CREB5: variants seen among roughly 807,000 people sequenced by gnomAD.
CREB5 encodes the protein cyclic AMP-responsive element-binding protein 5.
In CREB5, 19 loss-of-function variants were observed where a neutral mutation model predicts 57.1. That is an observed-to-expected ratio of 0.33 (90% CI 0.23 to 0.49). The LOEUF (loss-of-function observed/expected upper bound fraction) is 0.49, where lower values mean the gene tolerates loss of function less well. Ranked by LOEUF, CREB5 falls within the 20% of genes least tolerant of loss-of-function variation. CREB5 has a pLI of 0.99. For missense variants in CREB5, 579 were observed against 671.6 expected (o/e 0.86, Z 1.52); for synonymous variants, 238 against 238.3 (o/e 1.00, Z 0.01).
At chr7:28,685,838 C>T (rs527500358) in intron 5 of CREB5, 16 of 307,348 alleles carry the variant, frequency 5.2e-5, no homozygotes, top group Non-Finnish European at 9.5e-5. Flanking sequence ...AAGTGCACCA[C>T]GAAGGCTCTC....
intron 4 of CREB5, among the ~76,000 whole-genome samples, chr7:28,531,202 A>G (rs1793714508): frequency 6.6e-6 from 1 of 151,800 alleles, no homozygotes; most frequent in Admixed American, 6.6e-5. Context: ...TTAATTCCCC[A>G]TGGCTTCGGT....
At chr7:28,693,360 A>G (rs1193903188) in intron 5 of CREB5, among the ~76,000 whole-genome samples, 2 of 152,230 alleles carry the variant, frequency 1.3e-5, no homozygotes, top group Admixed American at 6.5e-5. Context: ...GAGTCCATCA[A>G]CTTTTTATTT....
chr7:28,449,034 C>T (rs774871510), intron 1 of CREB5, among the ~76,000 whole-genome samples: 13 of 152,132 alleles, frequency 8.5e-5, no homozygotes, highest in Non-Finnish European at 1.8e-4. Context: ...CTCCTCTTAC[C>T]TTTTTTAAAA....
intron 5 of CREB5, among the ~76,000 whole-genome samples, chr7:28,661,976 G>A (rs1259988343): frequency 6.6e-6 from 1 of 152,194 alleles, no homozygotes; most frequent in Non-Finnish European, 1.5e-5. Context: ...AGGGAACACA[G>A]TTCTTTGTTT....
Position 28,590,533 on chromosome 7 carries a change from T to TGGGGGGA in CREB5, c.464+20007_464+20013dup, listed in dbSNP as rs1347325228. ...TCACACACCAGGGCCTGTTGTGGGG[T>TGGGGGGA]GGGGGGAGGGGGGAGGGATAGCATT... is the stretch of plus-strand genomic sequence containing the variant. On this transcript the variant is annotated intron_variant, in intron 5 of 10. Coordinates refer to ENST00000357727, the MANE Select transcript of CREB5 (RefSeq NM_182898.4). 2.3e-4 allele frequency among the ~76,000 whole-genome samples: 13 copies of TGGGGGGA among 57,188 alleles called. No individual in the cohort carries two copies. In the South Asian group the frequency reaches 0.011, roughly 47 times the overall value. 37.5% of individuals were successfully genotyped at this position (57,188 alleles called of 152,430 possible).
intron 5 of CREB5, among the ~76,000 whole-genome samples, chr7:28,631,123 T>A (rs918700354): frequency 1.1e-4 from 16 of 152,332 alleles, no homozygotes; most frequent in African/African-American, 3.8e-4. Context: ...CGACCCGCTC[T>A]GAGTGTATCT....
intron 5 of CREB5, among the ~76,000 whole-genome samples, chr7:28,605,126 C>A (rs1248144254): frequency 6.6e-6 from 1 of 152,058 alleles, no homozygotes; most frequent in African/African-American, 2.4e-5. Context: ...AATTTGGGTT[C>A]TTGTAACACT....
intron 4 of CREB5, among the ~76,000 whole-genome samples, chr7:28,516,921 C>A (rs1273586172): frequency 1.3e-5 from 2 of 152,218 alleles, no homozygotes; most frequent in East Asian, 3.9e-4. Flanking sequence ...GCCAGACAGG[C>A]ACACAGAGTG....
intron 1 of CREB5, among the ~76,000 whole-genome samples, chr7:28,486,680 A>ATATG (rs1791567716): frequency 7.5e-6 from 1 of 133,220 alleles, no homozygotes; most frequent in Non-Finnish European, 1.6e-5. Flanking sequence ...TTATATATAT[A>ATATG]TATATATATA....
chr7:28,730,302 T>C (rs1480166027), intron 7 of CREB5, among the ~76,000 whole-genome samples: 1 of 151,948 alleles, frequency 6.6e-6, no homozygotes, highest in Admixed American at 6.6e-5. Flanking sequence ...TCCCACGTAC[T>C]AGGTGGTGCA....
chr7:28,574,620 G>A (rs1795834376), intron 5 of CREB5, among the ~76,000 whole-genome samples: 1 of 152,194 alleles, frequency 6.6e-6, no homozygotes, highest in Non-Finnish European at 1.5e-5. Flanking sequence ...ATGGATATCA[G>A]TACAGAGCTC....
intron 1 of CREB5, among the ~76,000 whole-genome samples, chr7:28,461,715 A>T (rs2128575797): frequency 6.6e-6 from 1 of 152,318 alleles, no homozygotes; most frequent in East Asian, 1.9e-4. Flanking sequence ...AATGTGATTG[A>T]GTATGTAGAC....
At chr7:28,541,537 G>A (rs915154906) in intron 4 of CREB5, among the ~76,000 whole-genome samples, 2 of 151,964 alleles carry the variant, frequency 1.3e-5, no homozygotes, top group Non-Finnish European at 2.9e-5. Flanking sequence ...CGTGGTGGCC[G>A]ATACCTGTAA....
intron 4 of CREB5, among the ~76,000 whole-genome samples, chr7:28,552,714 A>G (rs866695188): frequency 2.0e-5 from 3 of 152,212 alleles, no homozygotes; most frequent in Middle Eastern, 3.2e-3. Context: ...AAGGAATTTA[A>G]AGATGGGAAG....
chr7:28,584,406 C>G (rs1487961280), intron 5 of CREB5, among the ~76,000 whole-genome samples: 1 of 152,114 alleles, frequency 6.6e-6, no homozygotes, highest in Non-Finnish European at 1.5e-5. Context: ...AGTCCTAAAT[C>G]CAATGAGTGG....
chr7:28,636,029 G>A (rs2128696582), intron 5 of CREB5, among the ~76,000 whole-genome samples: 1 of 152,330 alleles, frequency 6.6e-6, no homozygotes, highest in African/African-American at 2.4e-5. Context: ...CAAAATCAAA[G>A]GATTATAGCA....
intron 1 of CREB5, among the ~76,000 whole-genome samples, chr7:28,372,863 A>T (rs940063205): frequency 2.0e-5 from 3 of 152,216 alleles, no homozygotes; most frequent in African/African-American, 7.2e-5. Flanking sequence ...TTTAATTTTG[A>T]TCTTAAAATA....
At chr7:28,360,708 C>T (rs1427087400) in intron 1 of CREB5, among the ~76,000 whole-genome samples, 1 of 151,936 alleles carries the variant, frequency 6.6e-6, no homozygotes, top group South Asian at 2.1e-4. Flanking sequence ...ACTTTGTGCC[C>T]CATAAATATA....
intron 1 of CREB5, among the ~76,000 whole-genome samples, chr7:28,327,197 A>C (rs988087822): frequency 2.0e-5 from 3 of 151,470 alleles, no homozygotes; most frequent in Non-Finnish European, 4.4e-5. Context: ...ATTTTATCTG[A>C]ATATGATTCT....
Sources: allele counts gnomAD v4.1 joint callset (sites outside exome capture counted in the v4.1 genomes callset), GRCh38; gene constraint gnomAD v4.1.1; transcripts MANE v1.5; gene names NCBI Gene and HGNC (gene_info 2026-07-23, HGNC 2026-07-21).